The following ACCSL variants were observed in gnomAD, a reference collection of about 807,000 sequenced individuals.
ACCSL encodes the protein 1-aminocyclopropane-1-carboxylate synthase homolog (inactive) like.
In ACCSL, 55 loss-of-function variants were observed where a neutral mutation model predicts 61.7. The observed-to-expected ratio is 0.89, with a 90% CI of 0.72 to 1.12. The LOEUF (loss-of-function observed/expected upper bound fraction) is 1.12. Among genes scored for constraint, ACCSL ranks in the 50% most tolerant of loss-of-function variants. The pLI, the probability that ACCSL is intolerant of heterozygous loss-of-function variation, is 0.00. For missense variants in ACCSL, 632 were observed against 698.0 expected (o/e 0.91, Z 1.07); for synonymous variants, 258 against 264.3 (o/e 0.98, Z 0.23).
the ACCSL span, among the ~76,000 whole-genome samples, chr11:43,941,812 A>T: frequency 6.6e-6 from 1 of 152,202 alleles, no homozygotes. Context: ...AAACAGGATA[A>T]TATACGTAAA....
chr11:43,984,464 C>A, the ACCSL span, among the ~76,000 whole-genome samples: 1 of 152,162 alleles, frequency 6.6e-6, no homozygotes, highest in Non-Finnish European at 1.5e-5. Context: ...GGGATCACAC[C>A]TCCTCTGGGT....
At chr11:43,965,838 C>T in the ACCSL span, among the ~76,000 whole-genome samples, 285 of 152,226 alleles carry the variant, frequency 1.9e-3, 2 homozygotes, top group African/African-American at 6.5e-3. Flanking sequence ...GTATCAAGAC[C>T]ATTTAATGGG....
At chr11:44,027,374 G>A in the ACCSL span, among the ~76,000 whole-genome samples, 544 of 152,244 alleles carry the variant, frequency 3.6e-3, 3 homozygotes, top group Non-Finnish European at 5.3e-3. Context: ...TTTCATAGCC[G>A]CCTATAGAAT....
At chr11:43,998,989 G>A in the ACCSL span, among the ~76,000 whole-genome samples, 1 of 152,248 alleles carries the variant, frequency 6.6e-6, no homozygotes, top group South Asian at 2.1e-4. Context: ...TGGCTTTTGA[G>A]TCATACAGAC....
the ACCSL span, among the ~76,000 whole-genome samples, chr11:43,923,901 G>A: frequency 1.3e-5 from 2 of 152,184 alleles, no homozygotes; most frequent in Non-Finnish European, 2.9e-5. Context: ...TGTGTACGAC[G>A]CTGTTAGGAT....
the ACCSL span, among the ~76,000 whole-genome samples, chr11:44,018,594 C>G: frequency 6.6e-6 from 1 of 152,222 alleles, no homozygotes; most frequent in Non-Finnish European, 1.5e-5. Flanking sequence ...AGGGTCCATT[C>G]TAGATGGGTT....
the ACCSL span, among the ~76,000 whole-genome samples, chr11:44,001,793 G>A: frequency 6.9e-5 from 10 of 145,236 alleles, no homozygotes; most frequent in Admixed American, 7.0e-4. Flanking sequence ...GTGTGTGTGT[G>A]TGTGTGTGTG....
At chr11:43,963,624 G>A in the ACCSL span, among the ~76,000 whole-genome samples, 1 of 152,210 alleles carries the variant, frequency 6.6e-6, no homozygotes, top group Non-Finnish European at 1.5e-5. Flanking sequence ...TTTCTCTCAG[G>A]CATTGTGGTG....
At chr11:43,933,357 G>C in the ACCSL span, 1 of 341,816 alleles carries the variant, frequency 2.9e-6, no homozygotes, top group African/African-American at 2.1e-5. Flanking sequence ...GGGGCAGCCA[G>C]GCTCAAGGTA....
At chr11:43,959,097 C>T in the ACCSL span, among the ~76,000 whole-genome samples, 1 of 152,144 alleles carries the variant, frequency 6.6e-6, no homozygotes, top group African/African-American at 2.4e-5. Flanking sequence ...CAAAGGCCTC[C>T]CCTTTTCATA....
At chr11:44,033,764 G>T in the ACCSL span, among the ~76,000 whole-genome samples, 33 of 152,254 alleles carry the variant, frequency 2.2e-4, no homozygotes, top group African/African-American at 5.5e-4. Context: ...ACCTTGTTTG[G>T]GGGGAGAGTA....
chr11:44,024,441 C>G, the ACCSL span, among the ~76,000 whole-genome samples: 1,188 of 132,030 alleles, frequency 9.0e-3, 21 homozygotes, highest in African/African-American at 0.03. Flanking sequence ...CTCTCTCTCT[C>G]TGTGTGTGTG....
chr11:43,949,885 C>T, the ACCSL span, among the ~76,000 whole-genome samples: 4 of 152,130 alleles, frequency 2.6e-5, no homozygotes, highest in African/African-American at 9.7e-5. Context: ...CACAATTTGC[C>T]CTCGAGGAAG....
At chr11:44,005,754 A>G in the ACCSL span, among the ~76,000 whole-genome samples, 5 of 152,120 alleles carry the variant, frequency 3.3e-5, no homozygotes, top group Admixed American at 3.3e-4. Flanking sequence ...GCAGGTAATT[A>G]CACTATCACA....
chr11:43,943,983 C>A, the ACCSL span: 1 of 697,178 alleles, frequency 1.4e-6, no homozygotes, highest in Non-Finnish European at 2.0e-6. This position sits in a 1 kb window ranked among gnomAD's most constrained non-coding sequence, Gnocchi z 4.8. Context: ...ACCAGGGAGC[C>A]GGGAGTGGAG....
At chr11:44,030,056 G>GTTTTTTTTTTTTTTTTTTTTTTTT in the ACCSL span, among the ~76,000 whole-genome samples, 1 of 14,018 alleles carries the variant, frequency 7.1e-5, no homozygotes, top group Non-Finnish European at 1.4e-4. Flanking sequence ...TTCTTTGGTT[G>GTTTTTTTTTTTTTTTTTTTTTTTT]ATTTTTTTTT....
At chr11:43,963,398 C>T in the ACCSL span, among the ~76,000 whole-genome samples, 1 of 152,182 alleles carries the variant, frequency 6.6e-6, no homozygotes, top group African/African-American at 2.4e-5. Context: ...ATATTTGTCA[C>T]TCTGGATCCA....
the ACCSL span, among the ~76,000 whole-genome samples, chr11:43,985,578 C>G: frequency 6.6e-6 from 1 of 152,218 alleles, no homozygotes; most frequent in Non-Finnish European, 1.5e-5. Context: ...CAGCACTGGG[C>G]TAAATGCTGA....
chr11:44,050,133 C>T lies in ACCSL; in HGVS notation c.564+12C>T. The T allele has an allele frequency of 6.2e-7, 1 of 1,611,940 alleles. No homozygotes were observed. Among genetic ancestry groups the T allele is most frequent in the Non-Finnish European group, 8.5e-7 (1 of 1,178,018 alleles). On this transcript the variant is annotated intron_variant, in intron 2 of 13. Transcript: ENST00000378832. ...TGATGACTGAAAGAGTAAGGATGTT[C>T]TGGGCTGTGTTGGGACCCACCCCTT...
Sources: allele counts gnomAD v4.1 joint callset (sites outside exome capture counted in the v4.1 genomes callset), GRCh38; gene constraint gnomAD v4.1.1; non-coding constraint Gnocchi (gnomAD v3.1); transcripts MANE v1.5; gene names NCBI Gene and HGNC (gene_info 2026-07-23, HGNC 2026-07-21).